The following PRKN variants were observed in gnomAD, a reference collection of about 807,000 sequenced individuals.
The protein encoded by PRKN is parkin RBR E3 ubiquitin protein ligase, also known as E3 ubiquitin-protein ligase parkin.
Under a neutral mutation model 59.5 loss-of-function variants are expected in PRKN, and 56 were observed. The observed-to-expected ratio is 0.94, with a 90% CI of 0.76 to 1.18. PRKN has a LOEUF of 1.18. Among genes scored for constraint, PRKN ranks in the 50% most tolerant of loss-of-function variants. The pLI is 0.00. For synonymous variants in PRKN, 250 were observed against 222.1 expected (o/e 1.13, Z -1.12); for missense variants, 657 against 596.4 (o/e 1.10, Z -1.06).
At chr6:161,733,386 C>T (rs557098806) in intron 7 of PRKN, among the ~76,000 whole-genome samples, 2 of 152,130 alleles carry the variant, frequency 1.3e-5, no homozygotes, top group African/African-American at 4.8e-5. Context: ...ACTTAGAATC[C>T]TCCTGTAATA....
At chr6:162,098,322 C>A (rs1011216848) in intron 4 of PRKN, among the ~76,000 whole-genome samples, 2 of 152,262 alleles carry the variant, frequency 1.3e-5, no homozygotes, top group South Asian at 4.1e-4. Context: ...ATTCAGGCAA[C>A]TGGGAGTGGG....
At chr6:161,654,763 C>T (rs375033001) in intron 7 of PRKN, among the ~76,000 whole-genome samples, 32 of 152,282 alleles carry the variant, frequency 2.1e-4, no homozygotes, top group East Asian at 1.9e-3. Flanking sequence ...CTGTCTCCCA[C>T]GGAGGCATGG....
chr6:161,416,437 G>A lies in PRKN; in HGVS notation c.1084-29560C>T, dbSNP rs376631410. 6.6e-5 allele frequency among the ~76,000 whole-genome samples: 10 copies of A among 152,212 alleles called. No individual in the cohort carries two copies. The East Asian group carries it at 9.7e-4, about 15-fold the overall frequency. On this transcript the variant is annotated intron_variant, in intron 9 of 11. Coordinates refer to ENST00000366898, the MANE Select transcript of PRKN (RefSeq NM_004562.3). ...CTAGAACAGGACCTGGCTCGTAGAT[G>A]ATGCCAGTTCATATTTGTTGAATAA...
chr6:162,221,893 A>G (rs1310818625), intron 3 of PRKN, among the ~76,000 whole-genome samples: 1 of 152,220 alleles, frequency 6.6e-6, no homozygotes, highest in Non-Finnish European at 1.5e-5. Flanking sequence ...CAAAAGAATC[A>G]ACAGAACATT....
At chr6:162,019,823 A>G (rs553743847) in intron 5 of PRKN, among the ~76,000 whole-genome samples, 1 of 152,128 alleles carries the variant, frequency 6.6e-6, no homozygotes, top group Non-Finnish European at 1.5e-5. Flanking sequence ...GCTCGAGACC[A>G]GCCTGGCCAA....
rs1489988609 is a variant in PRKN at position 161,579,504 on chromosome 6, C to A, written c.872-10088G>T. 6.6e-6 allele frequency among the ~76,000 whole-genome samples: 1 copy of A among 152,142 alleles called. No homozygotes were observed. Among genetic ancestry groups the A allele is most frequent in the African/African-American group, 2.4e-5 (1 of 41,414 alleles). ...AAACTTGTGTAATTTATATTTGTAC[C>A]CTATACTTCGCCATAGAGTGTGCTC... On this transcript the variant is annotated intron_variant, in intron 7 of 11. Transcript: ENST00000366898. This position sits in a 1 kb window ranked among gnomAD's most constrained non-coding sequence, Gnocchi z 4.2.
chr6:162,581,669 G>A (rs888335567), intron 1 of PRKN, among the ~76,000 whole-genome samples: 11 of 152,202 alleles, frequency 7.2e-5, no homozygotes, highest in African/African-American at 2.4e-4. Flanking sequence ...TGAGGCAGGA[G>A]AATCACTTGA....
rs1169118075 is a variant in PRKN, at chr6:161,944,134, G to GATCAGCCTGAGGA, written c.734+29155_734+29167dup. 1.5e-3 allele frequency among the ~76,000 whole-genome samples: 156 copies of GATCAGCCTGAGGA among 103,310 alleles called. 9 individuals carry two copies. The highest frequency in any genetic ancestry group is 5.2e-3 in the African/African-American group (143 of 27,626). 67.8% of individuals were successfully genotyped at this position (103,310 alleles called of 152,430 possible). ...ATCAGCCTGAGGGACCAGCCTGAGG[G>GATCAGCCTGAGGA]ATCAGCCTGAGGAATCTGGCTGCAG... On this transcript the variant is annotated intron_variant, in intron 6 of 11. Transcript: ENST00000366898.
At position 161,898,509 on chromosome 6, in the gene PRKN, A is replaced by G. The variant is rs557765766; in HGVS notation, c.734+74793T>C. Among the ~76,000 whole-genome samples the G allele has an allele frequency of 2.7e-4, 41 of 152,324 alleles. No individual in the cohort carries two copies. In the South Asian group the frequency reaches 8.1e-3, roughly 30 times the overall value. On this transcript the variant is annotated intron_variant, in intron 6 of 11. Transcript: ENST00000366898. Reference sequence around the variant, plus strand: ...ATCGTGCAGCTGAGGAAACGGAGGCACATACAATTTGTGCTCCTCACAGCC... The same window carrying G: ...ATCGTGCAGCTGAGGAAACGGAGGCGCATACAATTTGTGCTCCTCACAGCC...
intron 6 of PRKN, among the ~76,000 whole-genome samples, chr6:161,967,486 T>C (rs1241645969): frequency 6.6e-6 from 1 of 152,192 alleles, no homozygotes; most frequent in African/African-American, 2.4e-5. Context: ...GCCAAAGAAA[T>C]TGTGGTATTC....
At chr6:162,046,295 C>A (rs1784247271) in intron 5 of PRKN, among the ~76,000 whole-genome samples, 1 of 152,202 alleles carries the variant, frequency 6.6e-6, no homozygotes, top group Non-Finnish European at 1.5e-5. Context: ...GTATAAAATT[C>A]CTCATATTTG....
intron 7 of PRKN, among the ~76,000 whole-genome samples, chr6:161,657,591 G>A (rs935465661): frequency 6.6e-6 from 1 of 152,028 alleles, no homozygotes; most frequent in East Asian, 1.9e-4. Flanking sequence ...AACATTCAAC[G>A]TTGCAACAAC....
rs548461269 is a variant in PRKN, at chr6:162,672,298, T to C, written c.7+55364A>G. The stretch of plus-strand genomic sequence containing the variant: ...TTAAATAACAAAAAACATACCATTG[T>C]GAAAAAACTTCACTCAAAACTTACA... On this transcript the variant is annotated intron_variant, in intron 1 of 11. Transcript: ENST00000366898. 1.4e-4 allele frequency among the ~76,000 whole-genome samples: 21 copies of C among 152,240 alleles called. 2 individuals are homozygous for C. The South Asian group carries it at 4.4e-3, about 32-fold the overall frequency.
chr6:161,855,594 T>C (rs1478712136), intron 6 of PRKN, among the ~76,000 whole-genome samples: 1 of 115,404 alleles, frequency 8.7e-6, no homozygotes, highest in Non-Finnish European at 1.9e-5. Context: ...TTGTTCACTT[T>C]CATACTGACA....
At position 161,883,962 on chromosome 6, in the gene PRKN, T is replaced by G. The variant is rs150851522; in HGVS notation, c.734+89340A>C. 1.4e-4 allele frequency among the ~76,000 whole-genome samples: 21 copies of G among 145,884 alleles called. No homozygotes were observed. In the Middle Eastern group the frequency reaches 0.014, roughly 98 times the overall value. ...GCCACTGCGCCCAGCCTAAAATGAT[T>G]TTCTTTTTGTTACTCTTGAAAATTT... On this transcript the variant is annotated intron_variant, in intron 6 of 11. Coordinates refer to ENST00000366898, the MANE Select transcript of PRKN (RefSeq NM_004562.3).
rs1170963242 is a variant in PRKN, at chr6:161,488,499, A to AT, written c.1083+60354dup. Among the ~76,000 whole-genome samples, 1 of 152,136 alleles carries AT rather than the reference A, an allele frequency of 6.6e-6. No homozygotes were observed. The highest frequency in any genetic ancestry group is 1.5e-5 in the Non-Finnish European group (1 of 68,006). On this transcript the variant is annotated intron_variant, in intron 9 of 11. Coordinates refer to ENST00000366898, the MANE Select transcript of PRKN (RefSeq NM_004562.3). The surrounding 1 kb of genome is among the most constrained non-coding windows in gnomAD (Gnocchi z 4.5). ...ATCTGAATTTATTATATTTTAATTA[A>AT]TTTTTTTAGAGATAGGGTCTTCCTC... is the stretch of plus-strand genomic sequence containing the variant.
At chr6:162,194,424 G>T (rs566014773) in intron 4 of PRKN, among the ~76,000 whole-genome samples, 1 of 152,138 alleles carries the variant, frequency 6.6e-6, no homozygotes, top group African/African-American at 2.4e-5. Flanking sequence ...TGTGTTGGTG[G>T]AAAAGAACAT....
rs79720767 is a variant in PRKN, at chr6:161,824,797, C to G, written c.735-38889G>C. ...ATTGAAAAAAAGATTTAAATGTTTTCCTGATTTGACATGATATACTAACAT... is the reference window on the plus strand; with the variant it reads ...ATTGAAAAAAAGATTTAAATGTTTTGCTGATTTGACATGATATACTAACAT... On this transcript the variant is annotated intron_variant, in intron 6 of 11. Coordinates refer to ENST00000366898, the MANE Select transcript of PRKN (RefSeq NM_004562.3). 5.9e-3 allele frequency among the ~76,000 whole-genome samples: 893 copies of G among 152,240 alleles called. 8 individuals are homozygous for G. The highest frequency in any genetic ancestry group is 0.027 in the Middle Eastern group (8 of 292).
At chr6:162,515,391 T>G (rs1280065579) in intron 1 of PRKN, among the ~76,000 whole-genome samples, 1 of 151,930 alleles carries the variant, frequency 6.6e-6, no homozygotes. Flanking sequence ...TGACAACTTA[T>G]TGTTACTTCT....
Sources: gnomAD v4.1 joint callset for allele counts (sites outside exome capture counted in the v4.1 genomes callset) on GRCh38, gnomAD v4.1.1 for gene constraint, Gnocchi (gnomAD v3.1) non-coding constraint, MANE v1.5 for transcripts, NCBI Gene and HGNC (gene_info 2026-07-23, HGNC 2026-07-21) for gene names.